MTMR7: variants seen among roughly 807,000 people sequenced by gnomAD.
MTMR7 encodes myotubularin related protein 7, also known as phosphatidylinositol-3-phosphate phosphatase MTMR7.
Under a neutral mutation model 81.2 loss-of-function variants are expected in MTMR7, and 76 were observed. The observed-to-expected ratio is 0.94, with a 90% CI of 0.78 to 1.13. The LOEUF (loss-of-function observed/expected upper bound fraction) is 1.13, where lower values mean the gene tolerates loss of function less well. MTMR7 is among the 50% of genes most tolerant of loss of function. MTMR7 has a pLI of 0.00. For missense variants in MTMR7, 1,044 were observed against 820.0 expected, an observed-to-expected ratio of 1.27 and a Z score of -3.34; for synonymous variants, 372 against 289.8, an observed-to-expected ratio of 1.28 and a Z score of -2.88.
At chr8:17,351,315 G>A (rs1055716928) in intron 4 of MTMR7, among the ~76,000 whole-genome samples, 1 of 152,184 alleles carries the variant, frequency 6.6e-6, no homozygotes, top group Non-Finnish European at 1.5e-5. Flanking sequence ...ATAAGCTCCT[G>A]CTAGGCCCTT....
At chr8:17,359,313 C>T (rs779449612) in intron 4 of MTMR7, among the ~76,000 whole-genome samples, 3 of 152,122 alleles carry the variant, frequency 2.0e-5, no homozygotes, top group African/African-American at 7.2e-5. Context: ...AGCAAATCCT[C>T]GTGAAACTGG....
At chr8:17,394,576 T>G (rs1023113563) in intron 1 of MTMR7, among the ~76,000 whole-genome samples, 2 of 152,148 alleles carry the variant, frequency 1.3e-5, no homozygotes, top group Non-Finnish European at 2.9e-5. Flanking sequence ...GGTTTCTTTT[T>G]GGGGTGGTGA....
At chr8:17,315,885 T>C (rs1262630502) in intron 7 of MTMR7, among the ~76,000 whole-genome samples, 1 of 152,122 alleles carries the variant, frequency 6.6e-6, no homozygotes, top group African/African-American at 2.4e-5. Flanking sequence ...GAGTGGCACA[T>C]GCCTACTGTC....
chr8:17,318,677 C>A (rs996098250), intron 7 of MTMR7, among the ~76,000 whole-genome samples: 3 of 152,190 alleles, frequency 2.0e-5, no homozygotes, highest in Admixed American at 6.5e-5. Flanking sequence ...AGGTTAGGGT[C>A]TGCTACAGGT....
At chr8:17,325,268 G>C in intron 7 of MTMR7, among the ~76,000 whole-genome samples, 1 of 152,216 alleles carries the variant, frequency 6.6e-6, no homozygotes, top group East Asian at 1.9e-4. Flanking sequence ...ACATGTGACC[G>C]TCATACCCAC....
chr8:17,341,230 C>T, intron 6 of MTMR7, 133 bp downstream of exon 6: 1 of 1,200,406 alleles, frequency 8.3e-7, no homozygotes. Flanking sequence ...TGCCCAGACA[C>T]TGACTATGCC....
intron 4 of MTMR7, among the ~76,000 whole-genome samples, chr8:17,357,703 T>C (rs1819938694): frequency 6.6e-6 from 1 of 152,168 alleles, no homozygotes. Flanking sequence ...AGACATGCTA[T>C]AATAAAGGCA....
At chr8:17,406,753 T>C (rs533977849) in intron 1 of MTMR7, among the ~76,000 whole-genome samples, 1 of 152,094 alleles carries the variant, frequency 6.6e-6, no homozygotes, top group Non-Finnish European at 1.5e-5. Flanking sequence ...GATAAATGTA[T>C]AAACAAAATG....
At chr8:17,395,460 A>T (rs1229045994) in intron 1 of MTMR7, among the ~76,000 whole-genome samples, 1 of 152,168 alleles carries the variant, frequency 6.6e-6, no homozygotes, top group African/African-American at 2.4e-5. Context: ...GAGTCATATG[A>T]TAATTCTACA....
chr8:17,404,152 G>T (rs189698617), intron 1 of MTMR7, among the ~76,000 whole-genome samples: 289 of 152,290 alleles, frequency 1.9e-3, no homozygotes, highest in Non-Finnish European at 2.2e-3. Context: ...GGCAAAAATG[G>T]AAAGGGGACC....
chr8:17,312,022 A>C (rs984691496), intron 8 of MTMR7, among the ~76,000 whole-genome samples: 4 of 152,100 alleles, frequency 2.6e-5, no homozygotes, highest in Admixed American at 6.5e-5. Context: ...AAAAGGCAAA[A>C]AAGTTATAAA....
chr8:17,346,687 T>C (rs1474833926), intron 5 of MTMR7, among the ~76,000 whole-genome samples: 3 of 146,442 alleles, frequency 2.0e-5, no homozygotes, highest in Non-Finnish European at 4.4e-5. Context: ...CACACTGTGC[T>C]CACTTTTTAA....
chr8:17,406,495 T>G (rs945315736), intron 1 of MTMR7, among the ~76,000 whole-genome samples: 4 of 152,146 alleles, frequency 2.6e-5, no homozygotes, highest in Non-Finnish European at 5.9e-5. Flanking sequence ...CAAGTGTCAG[T>G]GATGATATGG....
intron 6 of MTMR7, 70 bp downstream of exon 6, chr8:17,341,293 G>A (rs182254055): frequency 5.7e-6 from 9 of 1,585,856 alleles, no homozygotes; most frequent in Admixed American, 3.4e-5. Flanking sequence ...GATGGCAGTC[G>A]GCTAGCCTTT....
intron 5 of MTMR7, among the ~76,000 whole-genome samples, chr8:17,346,884 TAAAAAAAAAAA>T (rs55910829): frequency 1.5e-5 from 1 of 65,040 alleles, no homozygotes; most frequent in East Asian, 6.9e-4. Flanking sequence ...CCTATCTTAA[TAAAAAAAAAAA>T]AAAAAAAAAA....
chr8:17,302,284 GA>G lies in MTMR7; in HGVS notation c.1494-5del. On this transcript the variant is annotated splice_polypyrimidine_tract_variant and splice_region_variant and intron_variant, in intron 12 of 13. Coordinates refer to ENST00000180173, the MANE Select transcript of MTMR7 (RefSeq NM_004686.5). ...GTTATACATTCCACTCCAAAACCTG[GA>G]AAGGATGGCAAAGCGTCGTGATACC... 1 of 1,612,298 alleles carries G rather than the reference GA, an allele frequency of 6.2e-7. No individual in the cohort carries two copies. Among genetic ancestry groups the G allele is most frequent in the Non-Finnish European group, 8.5e-7 (1 of 1,179,326 alleles).
In MTMR7 at chr8:17,390,301, C is replaced by T. The variant is rs1821069496; in HGVS notation, c.25-17061G>A. 1.3e-5 allele frequency among the ~76,000 whole-genome samples: 2 copies of T among 150,942 alleles called. 1 individual carries two copies. The highest frequency in any genetic ancestry group is 4.2e-4 in the South Asian group (2 of 4,768). On this transcript the variant is annotated intron_variant, in intron 1 of 13. Transcript: ENST00000180173. Reference sequence around the variant, plus strand: ...GCTTCTCACATGGTGGGAGCAGGAACAAGAAAGAGTGAGGGAGGAGGTGCC... The same window carrying T: ...GCTTCTCACATGGTGGGAGCAGGAATAAGAAAGAGTGAGGGAGGAGGTGCC...
intron 1 of MTMR7, among the ~76,000 whole-genome samples, chr8:17,405,837 C>T (rs1227873778): frequency 0.013 from 4 of 310 alleles, no homozygotes; most frequent in East Asian, 0.12. Flanking sequence ...CAAAACTATA[C>T]ACACACACAC....
At chr8:17,308,717 G>A (rs1028123386) in intron 10 of MTMR7, among the ~76,000 whole-genome samples, 4 of 152,108 alleles carry the variant, frequency 2.6e-5, no homozygotes, top group Middle Eastern at 3.2e-3. Context: ...AACAGCTTTG[G>A]CATCCCCATT....
Sources: allele counts gnomAD v4.1 joint callset (sites outside exome capture counted in the v4.1 genomes callset), GRCh38; gene constraint gnomAD v4.1.1; transcripts MANE v1.5; gene names NCBI Gene and HGNC (gene_info 2026-07-23, HGNC 2026-07-21).